The following VWA8 variants were observed in gnomAD, a reference collection of about 807,000 sequenced individuals.
VWA8 encodes the protein von Willebrand factor A domain containing 8, also known as von Willebrand factor A domain-containing protein 8.
VWA8 carries 221 observed loss-of-function variants against 241.5 expected under a neutral mutation model. That is an observed-to-expected ratio of 0.91 (90% CI 0.82 to 1.02). The LOEUF is 1.02. Ranked by LOEUF, VWA8 falls within the 50% of genes least tolerant of loss-of-function variation. VWA8 has a pLI of 0.00. For missense variants in VWA8, 2,322 were observed against 2,328.7 expected, an observed-to-expected ratio of 1.00 and a Z score of 0.06; for synonymous variants, 852 against 827.1, an observed-to-expected ratio of 1.03 and a Z score of -0.52.
At chr13:41,898,455 C>T (rs1875246268) in intron 4 of VWA8, among the ~76,000 whole-genome samples, 2 of 152,368 alleles carry the variant, frequency 1.3e-5, no homozygotes, top group South Asian at 4.1e-4. Flanking sequence ...TGTTTACAAT[C>T]CCTGAGCTAG....
chr13:41,764,472 A>T (rs900988767), intron 20 of VWA8, among the ~76,000 whole-genome samples: 1 of 152,202 alleles, frequency 6.6e-6, no homozygotes, highest in Non-Finnish European at 1.5e-5. Context: ...CACAGCTTAT[A>T]GTCTAGTAGG....
At chr13:41,588,098 G>T (rs563997151) in intron 41 of VWA8, among the ~76,000 whole-genome samples, 1 of 152,196 alleles carries the variant, frequency 6.6e-6, no homozygotes, top group Non-Finnish European at 1.5e-5. Flanking sequence ...TTACTTGTAC[G>T]TATTGGGTAG....
At chr13:41,683,040 T>C (rs1342748129) in intron 35 of VWA8, among the ~76,000 whole-genome samples, 1 of 152,082 alleles carries the variant, frequency 6.6e-6, no homozygotes, top group African/African-American at 2.4e-5. Flanking sequence ...CTTTGGGAAA[T>C]AGTTTGGCAG....
intron 15 of VWA8, among the ~76,000 whole-genome samples, chr13:41,818,068 T>C (rs1870775636): frequency 6.6e-6 from 1 of 151,708 alleles, no homozygotes; most frequent in South Asian, 2.1e-4. Flanking sequence ...GTTCAAGCAG[T>C]TCTCCTGTGT....
chr13:41,689,904 A>G (rs774556543), intron 33 of VWA8, among the ~76,000 whole-genome samples: 6 of 152,146 alleles, frequency 3.9e-5, no homozygotes, highest in Non-Finnish European at 7.4e-5. Flanking sequence ...GTTATCCTAA[A>G]TTAGACTTGC....
At chr13:41,901,891 TA>T (rs1566500260) in intron 4 of VWA8, among the ~76,000 whole-genome samples, 1 of 70,652 alleles carries the variant, frequency 1.4e-5, no homozygotes, top group African/African-American at 5.1e-5. Context: ...AAAAAAAAAA[TA>T]TATATATATA....
intron 2 of VWA8, among the ~76,000 whole-genome samples, chr13:41,944,916 G>A (rs929799752): frequency 6.6e-6 from 1 of 152,172 alleles, no homozygotes; most frequent in South Asian, 2.1e-4. Context: ...AAACTTTAAA[G>A]ACAGAAACAA....
chr13:41,784,713 TATATATATATATATATACACACAC>T (rs1869079864), intron 18 of VWA8, among the ~76,000 whole-genome samples: 1 of 70,698 alleles, frequency 1.4e-5, no homozygotes, highest in Non-Finnish European at 3.1e-5. Context: ...TATATATATA[TATATATATATATATATACACACAC>T]ATATATATAT....
intron 37 of VWA8, among the ~76,000 whole-genome samples, chr13:41,637,337 C>G (rs12857480): frequency 1.4e-5 from 2 of 146,522 alleles, no homozygotes; most frequent in Non-Finnish European, 3.0e-5. Context: ...ACCGCATGTT[C>G]TCACTCATAG....
At chr13:41,632,214 C>G (rs1320684558) in intron 37 of VWA8, among the ~76,000 whole-genome samples, 1 of 152,218 alleles carries the variant, frequency 6.6e-6, no homozygotes. Context: ...GCTCAATGAT[C>G]TCTCATGGCA....
chr13:41,910,713 G>A (rs1037536649), intron 3 of VWA8, among the ~76,000 whole-genome samples: 2 of 152,112 alleles, frequency 1.3e-5, no homozygotes, highest in African/African-American at 4.8e-5. Context: ...CTCTACAGTG[G>A]CACGTTTTAC....
chr13:41,803,004 G>GA (rs1318508839), intron 17 of VWA8, among the ~76,000 whole-genome samples: 1 of 152,250 alleles, frequency 6.6e-6, no homozygotes, highest in Non-Finnish European at 1.5e-5. Flanking sequence ...TAAGTGAAGA[G>GA]AGCAAGAGTC....
In VWA8 at chr13:41,865,993, T is replaced by C; in HGVS notation, c.1256A>G (p.Asp419Gly). ...ATGGCTCAAAGTCTGTATGAAACGG[T>C]CTGACGCACAAGGTTGACTTAATAG... ...TRLLSQPCAS[D>G]RFIQTLSHKQ... Residue 419 changes from aspartate to glycine, a missense_variant, in exon 11 of 45, where the codon GAC becomes GGC. Asp to Gly is a moderately conservative substitution (Grantham distance 94). Transcript: ENST00000379310. The C allele has an allele frequency of 6.2e-7, 1 of 1,614,158 alleles. No individual in the cohort carries two copies. The highest frequency in any genetic ancestry group is 8.5e-7 in the Non-Finnish European group (1 of 1,180,034).
At chr13:41,826,059 C>T (rs1871157307) in intron 14 of VWA8, among the ~76,000 whole-genome samples, 1 of 148,648 alleles carries the variant, frequency 6.7e-6, no homozygotes, top group East Asian at 1.9e-4. Context: ...AAGAATCTAA[C>T]CTATTATAAC....
chr13:41,847,529 G>T (rs1482055130), intron 12 of VWA8, among the ~76,000 whole-genome samples: 2 of 152,194 alleles, frequency 1.3e-5, no homozygotes, highest in Admixed American at 6.5e-5. Context: ...CCAGCAGGAA[G>T]GGAGAAGGCT....
intron 40 of VWA8, among the ~76,000 whole-genome samples, chr13:41,592,212 A>C (rs2044459948): frequency 7.0e-6 from 1 of 141,894 alleles, no homozygotes; most frequent in Non-Finnish European, 1.5e-5. Flanking sequence ...AAACTATCGC[A>C]AGAACAAAAA....
intron 37 of VWA8, among the ~76,000 whole-genome samples, chr13:41,642,104 C>T (rs2044799309): frequency 6.6e-6 from 1 of 152,074 alleles, no homozygotes; most frequent in East Asian, 1.9e-4. Flanking sequence ...TAGACATAAC[C>T]CAGCCTCTTG....
At chr13:41,664,513 T>TA (rs2044973917) in intron 37 of VWA8, among the ~76,000 whole-genome samples, 2 of 151,694 alleles carry the variant, frequency 1.3e-5, no homozygotes, top group Non-Finnish European at 2.9e-5. Context: ...TGAGTCTAAG[T>TA]AAAAAAAGCA....
intron 4 of VWA8, among the ~76,000 whole-genome samples, chr13:41,906,093 C>G (rs770306225): frequency 1.3e-5 from 2 of 151,972 alleles, no homozygotes; most frequent in Non-Finnish European, 2.9e-5. Context: ...TTTTTGAAAG[C>G]CATCATTTAA....
Sources: allele counts gnomAD v4.1 joint callset (sites outside exome capture counted in the v4.1 genomes callset), GRCh38; gene constraint gnomAD v4.1.1; transcripts MANE v1.5; gene names NCBI Gene and HGNC (gene_info 2026-07-23, HGNC 2026-07-21).